Variants in CDH18 observed in about 807,000 individuals in gnomAD.
The protein encoded by CDH18 is cadherin-18.
Under a neutral mutation model 67.9 loss-of-function variants are expected in CDH18, and 31 were observed. The observed-to-expected ratio is 0.46, with a 90% CI of 0.34 to 0.62. The LOEUF (loss-of-function observed/expected upper bound fraction) is 0.62. Ranked by LOEUF, CDH18 falls within the 20% of genes least tolerant of loss-of-function variation. The pLI is 0.01. For synonymous variants in CDH18, 362 were observed against 347.2 expected, an observed-to-expected ratio of 1.04 and a Z score of -0.48; for missense variants, 890 against 975.5, an observed-to-expected ratio of 0.91 and a Z score of 1.17.
At chr5:19,739,339 A>C (rs1768788925) in intron 4 of CDH18, among the ~76,000 whole-genome samples, 1 of 152,178 alleles carries the variant, frequency 6.6e-6, no homozygotes, top group Non-Finnish European at 1.5e-5. Flanking sequence ...CTAAGAATGC[A>C]CACAAAGCAG....
chr5:20,027,520 C>G (rs1293593798), intron 2 of CDH18, among the ~76,000 whole-genome samples: 1 of 152,080 alleles, frequency 6.6e-6, no homozygotes, highest in African/African-American at 2.4e-5. Flanking sequence ...GATGCTCTAC[C>G]TATATTAATT....
At position 20,501,583 on chromosome 5, in the gene CDH18, ATATATATATAT is replaced by A. The variant is rs1309893845; in HGVS notation, c.-580+73868_-580+73878del. On this transcript the variant is annotated intron_variant, in intron 1 of 14. Transcript: ENST00000507958. The stretch of plus-strand genomic sequence containing the variant: ...TATATATATATAATATATATATATT[ATATATATATAT>A]TATATATATATATATATATATGGAG... Among the ~76,000 whole-genome samples the A allele has an allele frequency of 1.8e-3, 39 of 21,770 alleles. No individual in the cohort carries two copies. The East Asian group carries it at 0.019, about 11-fold the overall frequency. The allele number at this position is 21,770 out of a possible 152,430, so 14.3% of individuals were successfully genotyped here. A position where few individuals can be genotyped will look rare whatever the true frequency, so the allele number is the denominator to read the frequency against.
At chr5:19,830,499 TAC>T (rs1780900281) in intron 3 of CDH18, among the ~76,000 whole-genome samples, 1 of 152,058 alleles carries the variant, frequency 6.6e-6, no homozygotes, top group African/African-American at 2.4e-5. Flanking sequence ...ACCATCTTAC[TAC>T]AGTCAGAATA....
chr5:19,574,966 G>A (rs1204052308), intron 7 of CDH18, among the ~76,000 whole-genome samples: 8 of 152,128 alleles, frequency 5.3e-5, no homozygotes, highest in Admixed American at 5.2e-4. Context: ...TTGAACCCAG[G>A]AGGTGGAGGT....
At chr5:20,447,846 T>C (rs1045734499) in intron 1 of CDH18, among the ~76,000 whole-genome samples, 3 of 152,188 alleles carry the variant, frequency 2.0e-5, no homozygotes, top group Non-Finnish European at 2.9e-5. Context: ...TTTGAGATTT[T>C]ATCGAATCTA....
chr5:20,067,393 T>C (rs1199251982), intron 2 of CDH18, among the ~76,000 whole-genome samples: 2 of 151,568 alleles, frequency 1.3e-5, no homozygotes, highest in Admixed American at 6.6e-5. Flanking sequence ...TATGCGCTCA[T>C]GTGTTGTGTT....
intron 3 of CDH18, among the ~76,000 whole-genome samples, chr5:19,835,433 G>C (rs1299098625): frequency 6.6e-6 from 1 of 151,828 alleles, no homozygotes; most frequent in Non-Finnish European, 1.5e-5. Context: ...GCACAACCCT[G>C]CACGTTTTGC....
At chr5:19,602,017 T>C (rs1243575021) in intron 6 of CDH18, among the ~76,000 whole-genome samples, 1 of 152,124 alleles carries the variant, frequency 6.6e-6, no homozygotes, top group Non-Finnish European at 1.5e-5. Context: ...AAAGACTAAA[T>C]GCATTTACTG....
chr5:19,919,549 G>A (rs796366857), intron 2 of CDH18, among the ~76,000 whole-genome samples: 6 of 152,242 alleles, frequency 3.9e-5, no homozygotes, highest in South Asian at 2.1e-4. Flanking sequence ...TGTTTGCAAA[G>A]GATTGGAGAA....
chr5:19,711,167 A>T (rs62351339), intron 5 of CDH18, among the ~76,000 whole-genome samples: 31,291 of 151,952 alleles, frequency 0.21, 3,760 homozygotes, highest in Non-Finnish European at 0.26. Flanking sequence ...GGACAAACTC[A>T]TCTAGACATT....
Position 19,994,738 on chromosome 5 carries a change from TAGAGAGAGAGAGAGAGAGAGAGAG to T in CDH18, c.-517-2748_-517-2725del, listed in dbSNP as rs869278538. The stretch of plus-strand genomic sequence containing the variant: ...ATATATATATATATATATATATATA[TAGAGAGAGAGAGAGAGAGAGAGAG>T]AGAGAGAGAGAGAGAGAGAGAGAGA... On this transcript the variant is annotated intron_variant, in intron 2 of 14. Transcript: ENST00000507958. Among the ~76,000 whole-genome samples the T allele has an allele frequency of 4.2e-3, 57 of 13,560 alleles. 1 individual carries two copies. The highest frequency in any genetic ancestry group is 6.2e-3 in the South Asian group (1 of 162). The allele number at this position is 13,560 out of a possible 152,430, so 8.9% of individuals were successfully genotyped here. A position where few individuals can be genotyped will look rare whatever the true frequency, so the allele number is the denominator to read the frequency against.
chr5:19,850,039 T>C (rs17288238), intron 2 of CDH18, among the ~76,000 whole-genome samples: 43,706 of 151,538 alleles, frequency 0.29, 7,670 homozygotes, highest in South Asian at 0.39. Flanking sequence ...TAACCTTGTG[T>C]CATGGCCTTT....
chr5:20,187,539 G>A (rs921817172), intron 2 of CDH18, among the ~76,000 whole-genome samples: 2 of 151,754 alleles, frequency 1.3e-5, no homozygotes, highest in African/African-American at 4.8e-5. Flanking sequence ...AAATAAAGAA[G>A]GAAATACATA....
chr5:19,706,307 T>A (rs954294943), intron 5 of CDH18, among the ~76,000 whole-genome samples: 32 of 152,226 alleles, frequency 2.1e-4, no homozygotes, highest in Non-Finnish European at 3.2e-4. Context: ...AAATGGCTGA[T>A]CGCCTAGTTG....
chr5:19,487,759 T>G (rs1740641393), intron 11 of CDH18, among the ~76,000 whole-genome samples: 1 of 151,772 alleles, frequency 6.6e-6, no homozygotes, highest in Admixed American at 6.6e-5. Flanking sequence ...AGCAGGGAGG[T>G]TTTCACATGC....
At chr5:20,309,750 C>T (rs920712447) in intron 1 of CDH18, among the ~76,000 whole-genome samples, 4 of 152,266 alleles carry the variant, frequency 2.6e-5, no homozygotes, top group South Asian at 2.1e-4. Context: ...ACTTTGAGGA[C>T]ATCATAGCTG....
intron 2 of CDH18, among the ~76,000 whole-genome samples, chr5:20,052,841 T>C (rs1044566603): frequency 6.6e-6 from 1 of 152,042 alleles, no homozygotes; most frequent in African/African-American, 2.4e-5. Context: ...AGATACACAC[T>C]AGCTAAGATA....
chr5:19,962,712 G>T (rs145539378), intron 2 of CDH18, among the ~76,000 whole-genome samples: 1 of 152,138 alleles, frequency 6.6e-6, no homozygotes, highest in Non-Finnish European at 1.5e-5. Context: ...GGAGGCGGAG[G>T]TTGCAGTGAA....
chr5:19,736,140 G>A (rs1169119492), intron 4 of CDH18, among the ~76,000 whole-genome samples: 3 of 152,108 alleles, frequency 2.0e-5, no homozygotes, highest in African/African-American at 7.2e-5. Flanking sequence ...TACAACACAA[G>A]AATTCAAAAT....
Sources: allele counts gnomAD v4.1 joint callset (sites outside exome capture counted in the v4.1 genomes callset), GRCh38; gene constraint gnomAD v4.1.1; transcripts MANE v1.5; gene names NCBI Gene and HGNC (gene_info 2026-07-23, HGNC 2026-07-21).